NR6A1: variants seen among roughly 807,000 people sequenced by gnomAD.
NR6A1 encodes nuclear receptor subfamily 6 group A member 1.
In NR6A1, 7 loss-of-function variants were observed where a neutral mutation model predicts 59.1. The observed-to-expected ratio is 0.12, with a 90% confidence interval of 0.07 to 0.22. The LOEUF is 0.22. NR6A1 is among the 10% of genes least tolerant of loss of function. The pLI, the probability that NR6A1 is intolerant of heterozygous loss-of-function variation, is 1.00. For missense variants in NR6A1, 468 were observed against 611.6 expected (o/e 0.77, Z 2.48); for synonymous variants, 243 against 236.1 (o/e 1.03, Z -0.27).
At position 124,543,945 on chromosome 9, in the gene NR6A1, A is replaced by G. The variant is rs144457220; in HGVS notation, c.386-88T>C. On this transcript the variant is annotated intron_variant, in intron 3 of 9. Coordinates refer to ENST00000487099, the MANE Select transcript of NR6A1 (RefSeq NM_033334.4). ...AAAGAGAGTTTACTTGGCCAAAAGC[A>G]TAAGACAGTAATTAGTGAATCCAAC... The G allele has an allele frequency of 1.9e-4, 195 of 1,053,014 alleles. 2 individuals carry two copies. In the African/African-American group the frequency reaches 2.3e-3, roughly 12 times the overall value. The allele number at this position is 1,053,014 out of a possible 1,614,324, so 65.2% of individuals were successfully genotyped here.
chr9:124,576,251 GA>G (rs1354341443), intron 2 of NR6A1, among the ~76,000 whole-genome samples: 1 of 152,078 alleles, frequency 6.6e-6, no homozygotes, highest in Non-Finnish European at 1.5e-5. Flanking sequence ...CTGTAACTAT[GA>G]AGCCAAAAGT....
At chr9:124,635,268 G>GGTTTA (rs943492447) in intron 2 of NR6A1, among the ~76,000 whole-genome samples, 1 of 151,726 alleles carries the variant, frequency 6.6e-6, no homozygotes, top group Non-Finnish European at 1.5e-5. Context: ...ACAGTGATAT[G>GGTTTA]GTTTAGCTCT....
At chr9:124,711,622 C>T (rs968644539) in intron 2 of NR6A1, among the ~76,000 whole-genome samples, 1 of 152,096 alleles carries the variant, frequency 6.6e-6, no homozygotes, top group South Asian at 2.1e-4. Flanking sequence ...TCACCCCATC[C>T]CCAAACTCAG....
At chr9:124,618,438 G>C (rs1399367849) in intron 2 of NR6A1, among the ~76,000 whole-genome samples, 1 of 152,042 alleles carries the variant, frequency 6.6e-6, no homozygotes, top group Admixed American at 6.6e-5. Context: ...AGCCGAGATT[G>C]CACCACTGCA....
chr9:124,548,972 A>G (rs555755653), intron 3 of NR6A1, among the ~76,000 whole-genome samples: 2 of 152,224 alleles, frequency 1.3e-5, no homozygotes, highest in South Asian at 4.2e-4. Context: ...TCCTATCACT[A>G]CTGAGTTATT....
intron 3 of NR6A1, among the ~76,000 whole-genome samples, chr9:124,547,167 T>C (rs1833624882): frequency 6.6e-6 from 1 of 152,270 alleles, no homozygotes; most frequent in Middle Eastern, 3.2e-3. Context: ...GGCTCTTCTA[T>C]CTTCTCAGAA....
intron 2 of NR6A1, among the ~76,000 whole-genome samples, chr9:124,679,612 TGG>T (rs1231297550): frequency 5.3e-5 from 8 of 152,084 alleles, no homozygotes; most frequent in African/African-American, 9.7e-5. Context: ...GAAAAAAGGC[TGG>T]GCACAGTGGC....
At chr9:124,648,085 C>T (rs960787097) in intron 2 of NR6A1, among the ~76,000 whole-genome samples, 3 of 152,080 alleles carry the variant, frequency 2.0e-5, no homozygotes, top group Admixed American at 6.5e-5. Context: ...TTCAGCAACA[C>T]ATTAAAAAAA....
chr9:124,535,849 G>C, intron 7 of NR6A1, 29 bp downstream of exon 7: 1 of 1,611,938 alleles, frequency 6.2e-7, no homozygotes, highest in Non-Finnish European at 8.5e-7. Context: ...TGGTTGTTTG[G>C]TATTTCCTCC....
intron 2 of NR6A1, chr9:124,599,030 AG>A: frequency 1.4e-6 from 1 of 740,256 alleles, no homozygotes; most frequent in South Asian, 1.4e-5. Flanking sequence ...CCTCCTCATG[AG>A]GAGGCGGGTG....
chr9:124,539,938 C>G, intron 5 of NR6A1, 95 bp downstream of exon 5: 2 of 1,386,586 alleles, frequency 1.4e-6, no homozygotes, highest in East Asian at 2.7e-5. Flanking sequence ...ATGGCTGAGA[C>G]AGCCTGGCAG....
At position 124,538,307 on chromosome 9, in the gene NR6A1, T is replaced by C; in HGVS notation, c.609A>G (p.Glu203=). The C allele has an allele frequency of 1.9e-6, 3 of 1,613,768 alleles. No individual in the cohort carries two copies. The highest frequency in any genetic ancestry group is 2.5e-6 in the Non-Finnish European group (3 of 1,179,718). ...GSTLSSSRSV[E]LNGFMAFREQ... ...CCCTGAAGGCCATGAATCCATTCAGTTCCACAGACCTACTGGAGAGAAAAG... is the reference window on the plus strand; with the variant it reads ...CCCTGAAGGCCATGAATCCATTCAGCTCCACAGACCTACTGGAGAGAAAAG... The change falls in exon 6 of 10, where the codon GAA becomes GAG. Residue 203 remains glutamate, a synonymous_variant. Coordinates refer to ENST00000487099, the MANE Select transcript of NR6A1 (RefSeq NM_033334.4).
chr9:124,529,385 T>C (rs1833032052), intron 7 of NR6A1, among the ~76,000 whole-genome samples: 1 of 152,210 alleles, frequency 6.6e-6, no homozygotes, highest in African/African-American at 2.4e-5. Context: ...GTCTCTATTA[T>C]GTATTAGGCC....
chr9:124,668,149 G>GT (rs1443703495), intron 2 of NR6A1, among the ~76,000 whole-genome samples: 2 of 152,056 alleles, frequency 1.3e-5, no homozygotes, highest in Non-Finnish European at 2.9e-5. Flanking sequence ...GTTATATATT[G>GT]TATTACTATA....
chr9:124,531,569 CAG>C (rs772564416), intron 7 of NR6A1, among the ~76,000 whole-genome samples: 29 of 152,284 alleles, frequency 1.9e-4, no homozygotes, highest in Non-Finnish European at 2.9e-4. Context: ...GGGTTTCTAG[CAG>C]AGCGGTTACT....
intron 2 of NR6A1, among the ~76,000 whole-genome samples, chr9:124,580,428 T>C (rs1834730399): frequency 6.6e-6 from 1 of 152,170 alleles, no homozygotes; most frequent in South Asian, 2.1e-4. Context: ...AAAGAAGGTT[T>C]TTTTTTTGAG....
intron 4 of NR6A1, 142 bp downstream of exon 4, chr9:124,543,660 G>T: frequency 1.8e-6 from 1 of 560,928 alleles, no homozygotes; most frequent in Non-Finnish European, 3.1e-6. Flanking sequence ...TCACATCCAG[G>T]ATGTAAAAGC....
In NR6A1 at chr9:124,563,160, T is replaced by C. The variant is rs190575891; in HGVS notation, c.143-8590A>G. Among the ~76,000 whole-genome samples the C allele has an allele frequency of 5.9e-5, 9 of 152,356 alleles. No individual in the cohort carries two copies. The East Asian group carries it at 1.7e-3, about 29-fold the overall frequency. Reference sequence around the variant, plus strand: ...ATGATCAATAAATGAACAAATGGTATGGCTTGGTGCAATGTTTTCCAAATT... The same window carrying C: ...ATGATCAATAAATGAACAAATGGTACGGCTTGGTGCAATGTTTTCCAAATT... On this transcript the variant is annotated intron_variant, in intron 2 of 9. Coordinates refer to ENST00000487099, the MANE Select transcript of NR6A1 (RefSeq NM_033334.4).
chr9:124,732,943 C>T (rs183562891), intron 2 of NR6A1, among the ~76,000 whole-genome samples: 1 of 151,956 alleles, frequency 6.6e-6, no homozygotes, highest in African/African-American at 2.4e-5. Context: ...GTGATCCACC[C>T]GCCTCAGCCT....
Sources: allele counts gnomAD v4.1 joint callset (sites outside exome capture counted in the v4.1 genomes callset), GRCh38; gene constraint gnomAD v4.1.1; transcripts MANE v1.5; gene names NCBI Gene and HGNC (gene_info 2026-07-23, HGNC 2026-07-21).